The following F10 variants were observed in gnomAD, a reference collection of about 807,000 sequenced individuals.
The protein encoded by F10 is Stuart-Prower factor.
Under a neutral mutation model 37.1 loss-of-function variants are expected in F10, and 29 were observed. The ratio of observed to expected loss-of-function variants is 0.78; its 90% CI spans 0.58 to 1.07. The LOEUF (loss-of-function observed/expected upper bound fraction) is 1.07. F10 is among the 50% of genes least tolerant of loss of function. The pLI, the probability that F10 is intolerant of heterozygous loss-of-function variation, is 0.00. For synonymous variants in F10, 262 were observed against 268.6 expected (o/e 0.98, Z 0.24); for missense variants, 539 against 667.9 (o/e 0.81, Z 2.13).
intron 5 of F10, among the ~76,000 whole-genome samples, chr13:113,142,490 C>T (rs1190933249): frequency 7.1e-6 from 1 of 140,546 alleles, no homozygotes. Context: ...GCGGAGCTTG[C>T]ACTGAGCACT....
At chr13:113,130,910 G>A (rs919651166) in intron 2 of F10, 1 of 152,222 alleles carries the variant, frequency 6.6e-6, no homozygotes, top group African/African-American at 2.4e-5. Context: ...CACCAAGAAG[G>A]GCGAGCGCAG....
chr13:113,142,358 A>G (rs142513388), intron 5 of F10, among the ~76,000 whole-genome samples: 3,301 of 149,794 alleles, frequency 0.022, 102 homozygotes, highest in African/African-American at 0.071. Context: ...TGGCCAACAC[A>G]GTGAAACCCC....
intron 1 of F10, chr13:113,128,987 T>C: frequency 5.3e-6 from 1 of 188,608 alleles, no homozygotes; most frequent in Non-Finnish European, 1.1e-5. Context: ...TTCCCTGAGA[T>C]AGCTTTGCAG....
chr13:113,129,210 T>C (rs2036400823), intron 1 of F10, among the ~76,000 whole-genome samples: 1 of 152,220 alleles, frequency 6.6e-6, no homozygotes, highest in Admixed American at 6.5e-5. Context: ...ATGAGGCGTG[T>C]GGGACCTGCT....
At chr13:113,126,792 G>A (rs1477424479) in intron 1 of F10, among the ~76,000 whole-genome samples, 1 of 152,208 alleles carries the variant, frequency 6.6e-6, no homozygotes, top group African/African-American at 2.4e-5. Flanking sequence ...GCCAGGCTTG[G>A]ATAACTTGTC....
In F10 at chr13:113,144,227, G is replaced by T. The variant is rs777468900; in HGVS notation, c.747+132G>T. The T allele has an allele frequency of 1.2e-4, 166 of 1,368,802 alleles. No individual in the cohort carries two copies. Among genetic ancestry groups the T allele is most frequent in the Middle Eastern group, 7.5e-4 (3 of 3,996 alleles). The allele number at this position is 1,368,802 out of a possible 1,614,324, so 84.8% of individuals were successfully genotyped here. A position where few individuals can be genotyped will look rare whatever the true frequency, so the allele number is the denominator to read the frequency against. On this transcript the variant is annotated intron_variant, in intron 6 of 7. Transcript: ENST00000375559. The surrounding 1 kb of genome is among the most constrained non-coding windows in gnomAD (Gnocchi z 6.4). ...TTCCGAACTAGGACAGAGGGGCTCC[G>T]CCACCCAAGCCTGCCTGCCTGTCCC...
chr13:113,148,353 T>TAA (rs2036603159), intron 7 of F10, among the ~76,000 whole-genome samples: 2 of 110,408 alleles, frequency 1.8e-5, no homozygotes, highest in Non-Finnish European at 3.5e-5. Context: ...AAAATATATA[T>TAA]ATATATATAT....
chr13:113,133,886 T>TATG, intron 2 of F10, among the ~76,000 whole-genome samples: 1 of 152,314 alleles, frequency 6.6e-6, no homozygotes, highest in East Asian at 1.9e-4. Context: ...TAAAAATAAT[T>TATG]ATGTAATCCA....
chr13:113,138,355 G>A (rs559230198), intron 2 of F10, 102 bp from the exon 3 acceptor site: 48 of 631,670 alleles, frequency 7.6e-5, no homozygotes, highest in Admixed American at 3.1e-4. Context: ...TTCCATTGGG[G>A]AAAATATCCT....
Position 113,139,526 on chromosome 13 carries a change from TG to T in F10, c.370+59del. On this transcript the variant is annotated intron_variant, in intron 4 of 7. Coordinates refer to ENST00000375559, the MANE Select transcript of F10 (RefSeq NM_000504.4). The surrounding 1 kb of genome is among the most constrained non-coding windows in gnomAD (Gnocchi z 5.2). ...TCAGATGCCCCTGAAGAGTGGCAGG[TG>T]GGCGGGGGAAGAAGTGAAAACGCCT... 7.2e-7 allele frequency: 1 copy of T among 1,391,612 alleles called. No homozygotes were observed. Among genetic ancestry groups the T allele is most frequent in the Non-Finnish European group, 1.0e-6 (1 of 979,874 alleles). The allele number at this position is 1,391,612 out of a possible 1,614,324, so 86.2% of individuals were successfully genotyped here.
intron 1 of F10, among the ~76,000 whole-genome samples, chr13:113,124,646 C>G (rs2142246833): frequency 6.6e-6 from 1 of 152,376 alleles, no homozygotes; most frequent in Non-Finnish European, 1.5e-5. Flanking sequence ...TCAGAATGCG[C>G]ACAGCATCTG....
chr13:113,146,253 T>C lies in F10; in HGVS notation c.748-1126T>C, dbSNP rs2036581690. ...TCTCTGTGACCAATACACAGAAATC[T>C]CAACCTAGTTAGGGAGCTGAGACCG... On this transcript the variant is annotated intron_variant, in intron 6 of 7. Coordinates refer to ENST00000375559, the MANE Select transcript of F10 (RefSeq NM_000504.4). The surrounding 1 kb of genome is among the most constrained non-coding windows in gnomAD (Gnocchi z 4.5). Among the ~76,000 whole-genome samples, 1 of 152,194 alleles carries C rather than the reference T, an allele frequency of 6.6e-6. No individual in the cohort carries two copies. Among genetic ancestry groups the C allele is most frequent in the Non-Finnish European group, 1.5e-5 (1 of 68,030 alleles).
chr13:113,149,375 G>A lies in F10; in HGVS notation c.1325G>A (p.Gly442Asp), dbSNP rs1233330150. Residue 442 changes from glycine to aspartate, a missense_variant, in exon 8 of 8, where the codon GGC becomes GAC. Physicochemically the swap from Gly to Asp is moderately conservative, Grantham distance 94. Coordinates refer to ENST00000375559, the MANE Select transcript of F10 (RefSeq NM_000504.4). This position sits in a 1 kb window ranked among gnomAD's most constrained non-coding sequence, Gnocchi z 7.5. ...ACAGGCATCGTCAGCTGGGGAGAGG[G>A]CTGTGCCCGTAAGGGGAAGTACGGG... is the stretch of plus-strand genomic sequence containing the variant. ...FVTGIVSWGE[G>D]CARKGKYGIY... 3.9e-6 allele frequency: 6 copies of A among 1,546,494 alleles called. No homozygotes were observed. Among genetic ancestry groups the A allele is most frequent in the Non-Finnish European group, 5.2e-6 (6 of 1,144,848 alleles).
intron 1 of F10, among the ~76,000 whole-genome samples, chr13:113,124,468 A>G (rs2036351800): frequency 6.6e-6 from 1 of 152,056 alleles, no homozygotes; most frequent in South Asian, 2.1e-4. Flanking sequence ...GCCGGCCTGG[A>G]CCCTGGGTGG....
chr13:113,126,394 T>C lies in F10; in HGVS notation c.71-3058T>C, dbSNP rs546650347. ...GGGGCTGCAAAGGAAAGGTGACTTCTTACTGGTCAATCAGCCTGGGGATGC... is the reference window on the plus strand; with the variant it reads ...GGGGCTGCAAAGGAAAGGTGACTTCCTACTGGTCAATCAGCCTGGGGATGC... On this transcript the variant is annotated intron_variant, in intron 1 of 7. Transcript: ENST00000375559. 6.3e-4 allele frequency among the ~76,000 whole-genome samples: 96 copies of C among 152,244 alleles called. 1 individual carries two copies. Among genetic ancestry groups the C allele is most frequent in the African/African-American group, 2.3e-3 (95 of 41,544 alleles).
In F10 at chr13:113,129,562, A is replaced by G; in HGVS notation, c.181A>G (p.Thr61Ala). ...CCTCGAAAGAGAGTGCATGGAAGAG[A>G]CCTGCTCATACGAAGAGGCCCGCGA... Reference protein sequence around the residue: ...GHLERECMEETCSYEEAREVF... With the variant: ...GHLERECMEEACSYEEAREVF... Residue 61 changes from threonine to alanine, a missense_variant, in exon 2 of 8, where the codon ACC becomes GCC. By Grantham distance (58) the Thr-to-Ala change is moderately conservative. Coordinates refer to ENST00000375559, the MANE Select transcript of F10 (RefSeq NM_000504.4). The G allele has an allele frequency of 6.2e-7, 1 of 1,614,158 alleles. No homozygotes were observed. The highest frequency in any genetic ancestry group is 8.5e-7 in the Non-Finnish European group (1 of 1,180,024).
At chr13:113,147,074 G>A (rs746150144) in intron 6 of F10, among the ~76,000 whole-genome samples, 3 of 152,224 alleles carry the variant, frequency 2.0e-5, no homozygotes, top group Non-Finnish European at 4.4e-5. Context: ...ACAGAGACGG[G>A]AAAGGCTGCT....
chr13:113,124,031 T>C (rs1054705507), intron 1 of F10, among the ~76,000 whole-genome samples: 2 of 152,174 alleles, frequency 1.3e-5, no homozygotes, highest in Non-Finnish European at 2.9e-5. Flanking sequence ...GAAGGACCCA[T>C]GCCATCATCA....
rs61190666 is a variant in F10, at chr13:113,144,881, A to AT, written c.747+801dup. On this transcript the variant is annotated intron_variant, in intron 6 of 7. Coordinates refer to ENST00000375559, the MANE Select transcript of F10 (RefSeq NM_000504.4). The surrounding 1 kb of genome is among the most constrained non-coding windows in gnomAD (Gnocchi z 6.4). ...GGCGCCCGCTACTTACGCCTGGCTA[A>AT]TTTTTTTTTTTTTTTGAGACGGAGT... is the stretch of plus-strand genomic sequence containing the variant. 0.046 allele frequency among the ~76,000 whole-genome samples: 5,808 copies of AT among 125,706 alleles called. 366 individuals are homozygous for AT. The highest frequency in any genetic ancestry group is 0.15 in the African/African-American group (4,951 of 33,172). 82.5% of individuals were successfully genotyped at this position (125,706 alleles called of 152,430 possible).
Sources: gnomAD v4.1 joint callset for allele counts (sites outside exome capture counted in the v4.1 genomes callset) on GRCh38, gnomAD v4.1.1 for gene constraint, Gnocchi (gnomAD v3.1) non-coding constraint, MANE v1.5 for transcripts, NCBI Gene and HGNC (gene_info 2026-07-23, HGNC 2026-07-21) for gene names.